The following AGBL4 variants were observed in gnomAD, a reference collection of about 807,000 sequenced individuals.
The protein encoded by AGBL4 is AGBL carboxypeptidase 4, also known as cytosolic carboxypeptidase 6.
AGBL4 carries 58 observed loss-of-function variants against 66.4 expected under a neutral mutation model. That is an observed-to-expected ratio of 0.87 (90% CI 0.71 to 1.09). The LOEUF is 1.09. Ranked by LOEUF, AGBL4 falls within the 50% of genes least tolerant of loss-of-function variation. AGBL4 has a pLI of 0.00. For missense variants in AGBL4, 579 were observed against 631.0 expected, an observed-to-expected ratio of 0.92 and a Z score of 0.88; for synonymous variants, 234 against 222.9, an observed-to-expected ratio of 1.05 and a Z score of -0.44.
At chr1:49,236,451 G>C (rs1570163185) in intron 4 of AGBL4, among the ~76,000 whole-genome samples, 1 of 152,110 alleles carries the variant, frequency 6.6e-6, no homozygotes, top group Admixed American at 6.6e-5. Flanking sequence ...TGGGATTTTT[G>C]ACATTCTATA....
chr1:49,327,370 T>A (rs1298986524), intron 3 of AGBL4, among the ~76,000 whole-genome samples: 1 of 152,242 alleles, frequency 6.6e-6, no homozygotes, highest in Non-Finnish European at 1.5e-5. Context: ...AGTATTCATT[T>A]AAAGTAAGTT....
At chr1:49,016,781 C>A (rs1662859172) in intron 5 of AGBL4, among the ~76,000 whole-genome samples, 1 of 152,234 alleles carries the variant, frequency 6.6e-6, no homozygotes. Flanking sequence ...GCCTGTCATT[C>A]TGCACATTGC....
intron 3 of AGBL4, among the ~76,000 whole-genome samples, chr1:49,552,427 T>C (rs1653038991): frequency 6.6e-6 from 1 of 152,202 alleles, no homozygotes; most frequent in Non-Finnish European, 1.5e-5. Flanking sequence ...GTCCCTGTGG[T>C]GCCAGACAGG....
downstream of AGBL4, among the ~76,000 whole-genome samples, chr1:48,529,127 A>G (rs1417348143): frequency 6.6e-6 from 1 of 152,022 alleles, no homozygotes; most frequent in East Asian, 1.9e-4. Flanking sequence ...GTTAAGTGCT[A>G]AGACTACAGA....
intron 1 of AGBL4, chr1:49,995,239 G>A (rs1204092919): frequency 2.2e-6 from 1 of 455,976 alleles, no homozygotes; most frequent in South Asian, 1.5e-5. Context: ...TCAGTGGAGA[G>A]GCTTGGAGCC....
chr1:49,297,918 C>T (rs1644672620), intron 3 of AGBL4, among the ~76,000 whole-genome samples: 2 of 152,168 alleles, frequency 1.3e-5, no homozygotes, highest in African/African-American at 4.8e-5. Context: ...ATTCCTTTCA[C>T]CTCCAATGCA....
intron 4 of AGBL4, among the ~76,000 whole-genome samples, chr1:49,064,573 T>G (rs1644459525): frequency 6.6e-6 from 1 of 152,224 alleles, no homozygotes; most frequent in South Asian, 2.1e-4. Flanking sequence ...GTCCTCAATA[T>G]CCTTCAAATG....
chr1:48,679,561 C>T (rs1646421741), intron 6 of AGBL4, among the ~76,000 whole-genome samples: 1 of 152,130 alleles, frequency 6.6e-6, no homozygotes, highest in Admixed American at 6.5e-5. Context: ...TGGGTGATTT[C>T]TTTTAATTCT....
intron 1 of AGBL4, among the ~76,000 whole-genome samples, chr1:49,972,209 C>A (rs566589927): frequency 6.6e-6 from 1 of 151,852 alleles, no homozygotes; most frequent in African/African-American, 2.4e-5. Flanking sequence ...ACGCCCGGCC[C>A]AAGTGCAGGT....
chr1:49,760,957 G>T (rs1295099147), intron 2 of AGBL4, among the ~76,000 whole-genome samples: 1 of 152,024 alleles, frequency 6.6e-6, no homozygotes, highest in Non-Finnish European at 1.5e-5. Context: ...CCTCATAAGT[G>T]GGACTTGAAC....
intron 3 of AGBL4, among the ~76,000 whole-genome samples, chr1:49,624,908 C>T (rs1490788866): frequency 6.6e-6 from 1 of 152,164 alleles, no homozygotes; most frequent in Non-Finnish European, 1.5e-5. Flanking sequence ...TACTTGCCTT[C>T]AGTCATGACA....
chr1:49,628,859 C>T (rs1454782734), intron 3 of AGBL4, among the ~76,000 whole-genome samples: 1 of 152,156 alleles, frequency 6.6e-6, no homozygotes, highest in Non-Finnish European at 1.5e-5. Context: ...ATATGTGTGA[C>T]AAAGAAATGG....
intron 3 of AGBL4, among the ~76,000 whole-genome samples, chr1:49,656,490 T>C (rs977010841): frequency 1.3e-5 from 2 of 152,152 alleles, no homozygotes; most frequent in African/African-American, 4.8e-5. Context: ...GAGGGAATAC[T>C]CCCTAACTCA....
chr1:49,481,995 A>T (rs1251796483), intron 3 of AGBL4, among the ~76,000 whole-genome samples: 1 of 149,660 alleles, frequency 6.7e-6, no homozygotes, highest in East Asian at 1.9e-4. Context: ...GTGATGGATA[A>T]GCTTTTTGAT....
intron 4 of AGBL4, among the ~76,000 whole-genome samples, chr1:49,055,972 G>A (rs1303669290): frequency 3.9e-5 from 6 of 151,912 alleles, no homozygotes; most frequent in Non-Finnish European, 5.9e-5. Context: ...CAACCTGATC[G>A]CTCCTCTTGG....
intron 6 of AGBL4, among the ~76,000 whole-genome samples, chr1:48,718,518 G>A (rs1418459785): frequency 1.3e-5 from 2 of 152,192 alleles, no homozygotes; most frequent in Non-Finnish European, 2.9e-5. Flanking sequence ...CAGCCTCTCA[G>A]TAGTGACTGT....
chr1:48,879,926 C>A lies in AGBL4; in HGVS notation c.595-12696G>T, dbSNP rs148875997. The stretch of plus-strand genomic sequence containing the variant: ...ATATCAAAATAAAAAATGAAAAATA[C>A]ATATAAAATCTCAACATCTCAATAT... On this transcript the variant is annotated intron_variant, in intron 5 of 13. Transcript: ENST00000371839. Among the ~76,000 whole-genome samples the A allele has an allele frequency of 3.9e-5, 6 of 152,248 alleles. No homozygotes were observed. The East Asian group carries it at 1.2e-3, about 29-fold the overall frequency.
At chr1:49,945,457 A>G (rs944802237) in intron 1 of AGBL4, among the ~76,000 whole-genome samples, 2 of 152,116 alleles carry the variant, frequency 1.3e-5, no homozygotes, top group Admixed American at 1.3e-4. Context: ...TTTTGTATCC[A>G]GAAAAACTAA....
rs58396843 is a variant in AGBL4 at position 48,762,614 on chromosome 1, TTGTGTGTGTG to T, written c.635-99383_635-99374del. Among the ~76,000 whole-genome samples the T allele has an allele frequency of 6.9e-4, 52 of 75,180 alleles. No individual in the cohort carries two copies. In the South Asian group the frequency reaches 0.01, roughly 15 times the overall value. The allele number at this position is 75,180 out of a possible 152,430, so 49.3% of individuals were successfully genotyped here. A position where few individuals can be genotyped will look rare whatever the true frequency, so the allele number is the denominator to read the frequency against. ...TAGTTAAATCCAGTCTTTAAGGGTT[TTGTGTGTGTG>T]TGTGTGTGTGTGTGTGTGTGTGTGT... On this transcript the variant is annotated intron_variant, in intron 6 of 13. Coordinates refer to ENST00000371839, the MANE Select transcript of AGBL4 (RefSeq NM_032785.4).
Sources: gnomAD v4.1 joint callset for allele counts (sites outside exome capture counted in the v4.1 genomes callset) on GRCh38, gnomAD v4.1.1 for gene constraint, MANE v1.5 for transcripts, NCBI Gene and HGNC (gene_info 2026-07-23, HGNC 2026-07-21) for gene names.